Variants in RBFOX1 observed in about 807,000 individuals in gnomAD.
The protein encoded by RBFOX1 is RNA binding protein fox-1 homolog 1.
A neutral mutation model predicts 57.7 loss-of-function variants in RBFOX1; 8 were observed. The observed-to-expected ratio is 0.14, with a 90% CI of 0.08 to 0.25. The LOEUF is 0.25. Among genes scored for constraint, RBFOX1 ranks in the 10% least tolerant of loss-of-function variants. The pLI, the probability that RBFOX1 is intolerant of heterozygous loss-of-function variation, is 1.00. For missense variants in RBFOX1, 611 were observed against 548.5 expected (o/e 1.11, Z -1.14); for synonymous variants, 326 against 222.4 (o/e 1.47, Z -4.15).
chr16:6,859,410 A>G (rs1439409337), intron 3 of RBFOX1, among the ~76,000 whole-genome samples: 4 of 151,754 alleles, frequency 2.6e-5, no homozygotes, highest in Admixed American at 2.0e-4. Flanking sequence ...CTCTAATATC[A>G]TAATTGATTT....
At chr16:7,466,937 T>A (rs2060629593) in intron 4 of RBFOX1, among the ~76,000 whole-genome samples, 1 of 152,136 alleles carries the variant, frequency 6.6e-6, no homozygotes, top group African/African-American at 2.4e-5. Context: ...AGAGACTGAT[T>A]TAATCAACAC....
chr16:7,560,372 A>G (rs1018111236), intron 5 of RBFOX1, among the ~76,000 whole-genome samples: 9 of 152,272 alleles, frequency 5.9e-5, no homozygotes, highest in African/African-American at 2.2e-4. Context: ...AAAAAATTTC[A>G]TTTCAGAAAC....
intron 2 of RBFOX1, among the ~76,000 whole-genome samples, chr16:6,590,061 A>G (rs528170365): frequency 6.6e-6 from 1 of 152,354 alleles, no homozygotes; most frequent in African/African-American, 2.4e-5. Context: ...AAGGAAAGAG[A>G]AAAGATAACT....
At chr16:6,835,879 C>G (rs529041304) in intron 3 of RBFOX1, among the ~76,000 whole-genome samples, 2 of 151,980 alleles carry the variant, frequency 1.3e-5, no homozygotes, top group African/African-American at 4.8e-5. Flanking sequence ...CTAGGTGGCT[C>G]CACCTTTATG....
rs760159651 is a variant in RBFOX1, at chr16:7,595,602, G to C, written c.522G>C (p.Glu174Asp). The C allele has an allele frequency of 1.9e-6, 3 of 1,574,564 alleles. No individual in the cohort carries two copies. The African/African-American group carries it at 4.1e-5, about 21-fold the overall frequency. ...ENSADADRAR[E>D]KLHGTVVEGR... ...GTGCCGATGCGGACAGGGCGAGGGA[G>C]AAATTACACGGCACCGTGGTAGAGG... is the stretch of plus-strand genomic sequence containing the variant. Residue 174 changes from glutamate (E) to aspartate (D), a missense_variant, in exon 8 of 16, where the codon GAG becomes GAC. Physicochemically the swap from Glu to Asp is conservative, Grantham distance 45. Coordinates refer to ENST00000550418, the MANE Select transcript of RBFOX1 (RefSeq NM_018723.4).
chr16:5,651,291 G>A (rs1327745004), intron 3 of RBFOX1, among the ~76,000 whole-genome samples: 3 of 151,958 alleles, frequency 2.0e-5, no homozygotes, highest in African/African-American at 7.2e-5. Context: ...GGCCTCACGT[G>A]ACCCACCTGC....
intron 2 of RBFOX1, among the ~76,000 whole-genome samples, chr16:6,469,548 A>G (rs1375118967): frequency 6.6e-6 from 1 of 152,178 alleles, no homozygotes; most frequent in Non-Finnish European, 1.5e-5. Flanking sequence ...GACGAGATGC[A>G]AATGCTCGGA....
At chr16:6,291,390 G>A (rs67577697) in intron 1 of RBFOX1, among the ~76,000 whole-genome samples, 19,891 of 152,172 alleles carry the variant, frequency 0.13, 1,662 homozygotes, top group Non-Finnish European at 0.17. Context: ...TGAGATGGTG[G>A]AGGCCGCAGG....
chr16:7,323,645 C>T (rs2096574213), intron 4 of RBFOX1, among the ~76,000 whole-genome samples: 1 of 152,172 alleles, frequency 6.6e-6, no homozygotes, highest in Non-Finnish European at 1.5e-5. Context: ...GTTCTTGTTA[C>T]TAATGTACTA....
At chr16:6,068,260 C>T (rs2095792681) in intron 1 of RBFOX1, among the ~76,000 whole-genome samples, 3 of 152,192 alleles carry the variant, frequency 2.0e-5, no homozygotes, top group Admixed American at 2.0e-4. Context: ...CTTCAGCAGA[C>T]TTCAGCCTTA....
intron 2 of RBFOX1, among the ~76,000 whole-genome samples, chr16:5,490,631 C>G (rs2042796243): frequency 6.6e-6 from 1 of 152,162 alleles, no homozygotes; most frequent in African/African-American, 2.4e-5. Context: ...CTTGGTTCCT[C>G]TGGGCACTCC....
intron 2 of RBFOX1, among the ~76,000 whole-genome samples, chr16:5,586,395 C>T (rs957232635): frequency 4.6e-5 from 7 of 152,240 alleles, no homozygotes; most frequent in Admixed American, 4.6e-4. Flanking sequence ...CTGCCTTTGA[C>T]TGTGCCAGAA....
intron 2 of RBFOX1, among the ~76,000 whole-genome samples, chr16:5,484,500 T>G (rs976586276): frequency 1.3e-5 from 2 of 152,256 alleles, no homozygotes; most frequent in Admixed American, 1.3e-4. Context: ...CAGTTAAGGC[T>G]GGGCACAGTG....
At chr16:5,347,665 C>T (rs775915993) in intron 1 of RBFOX1, among the ~76,000 whole-genome samples, 5 of 150,642 alleles carry the variant, frequency 3.3e-5, no homozygotes, top group Non-Finnish European at 3.0e-5. Flanking sequence ...CCCATCCACC[C>T]ACCCTTTCAC....
intron 4 of RBFOX1, among the ~76,000 whole-genome samples, chr16:7,489,450 C>A (rs4787033): frequency 0.19 from 28,811 of 151,942 alleles, 3,088 homozygotes; most frequent in East Asian, 0.39. Context: ...TATGTTGTAG[C>A]TTCTTTTGCT....
At chr16:7,261,591 T>G (rs1228562823) in intron 4 of RBFOX1, among the ~76,000 whole-genome samples, 1 of 152,204 alleles carries the variant, frequency 6.6e-6, no homozygotes. Flanking sequence ...AAGACTTCCC[T>G]GTGCAGAGGC....
At chr16:6,162,010 A>G (rs543812791) in intron 1 of RBFOX1, among the ~76,000 whole-genome samples, 2 of 152,146 alleles carry the variant, frequency 1.3e-5, no homozygotes, top group East Asian at 3.9e-4. Context: ...TTTTTTTCTT[A>G]GTTATTAACC....
At chr16:7,027,370 A>T (rs60599794) in intron 3 of RBFOX1, among the ~76,000 whole-genome samples, 8,943 of 152,182 alleles carry the variant, frequency 0.059, 887 homozygotes, top group African/African-American at 0.2. Context: ...TATTTTTTAG[A>T]TATAATCTCA....
chr16:5,444,705 G>T (rs1455592240), intron 1 of RBFOX1, among the ~76,000 whole-genome samples: 1 of 152,146 alleles, frequency 6.6e-6, no homozygotes, highest in South Asian at 2.1e-4. Flanking sequence ...GGTAAAGGGA[G>T]AAATGAGGAA....
Sources: gnomAD v4.1 joint callset for allele counts (sites outside exome capture counted in the v4.1 genomes callset) on GRCh38, gnomAD v4.1.1 for gene constraint, MANE v1.5 for transcripts, NCBI Gene and HGNC (gene_info 2026-07-23, HGNC 2026-07-21) for gene names.